CCNY: variants seen among roughly 807,000 people sequenced by gnomAD.
The protein encoded by CCNY is cyclin-Y.
A neutral mutation model predicts 42.8 loss-of-function variants in CCNY; 19 were observed. The observed-to-expected ratio is 0.44, with a 90% CI of 0.31 to 0.65. CCNY has a LOEUF of 0.65. CCNY is among the 30% of genes least tolerant of loss of function. CCNY has a pLI of 0.07. For synonymous variants in CCNY, 165 were observed against 162.7 expected (o/e 1.01, Z -0.11); for missense variants, 370 against 437.3 (o/e 0.85, Z 1.37).
chr10:35,337,179 G>A lies in CCNY; in HGVS notation c.126G>A (p.Gln42=). The A allele has an allele frequency of 6.4e-7, 1 of 1,568,228 alleles. No individual in the cohort carries two copies. The highest frequency in any genetic ancestry group is 2.5e-5 in the East Asian group (1 of 40,684). The change falls in exon 1 of 10, where the codon CAG becomes CAA. Residue 42 remains glutamine, a synonymous_variant. Transcript: ENST00000374704. ...GCGAGGACACGGGCTGCAACCTGCA[G>A]CACATCAGCGACCGGGAGAACATAG... ...LSREDTGCNL[Q]HISDRENIDD... is the part of the protein sequence containing the mutation.
chr10:35,342,390 C>T (rs1329589517), intron 1 of CCNY, among the ~76,000 whole-genome samples: 1 of 152,230 alleles, frequency 6.6e-6, no homozygotes, highest in Non-Finnish European at 1.5e-5. Context: ...TATGTGGAGA[C>T]ACCCCGACCA....
intron 1 of CCNY, among the ~76,000 whole-genome samples, chr10:35,429,511 A>G (rs896185049): frequency 6.6e-6 from 1 of 152,230 alleles, no homozygotes; most frequent in Non-Finnish European, 1.5e-5. Flanking sequence ...GAGTTTGAAA[A>G]TATTTGACAT....
chr10:35,499,905 T>C (rs143908220), intron 2 of CCNY, among the ~76,000 whole-genome samples: 12 of 152,250 alleles, frequency 7.9e-5, no homozygotes, highest in African/African-American at 2.9e-4. Flanking sequence ...TTAGTATGAA[T>C]TAATTTAATT....
At chr10:35,336,439 A>AGGGGCGGTGACGGGGC (rs1554777717), upstream of CCNY, 47 of 151,568 alleles carry the variant, frequency 3.1e-4, no homozygotes, top group African/African-American at 9.7e-4. Context: ...GGCAGAGGGA[A>AGGGGCGGTGACGGGGC]GGGGCGGTGA....
chr10:35,509,685 G>C (rs1564439924), intron 3 of CCNY, among the ~76,000 whole-genome samples: 1 of 152,112 alleles, frequency 6.6e-6, no homozygotes, highest in African/African-American at 2.4e-5. Flanking sequence ...GTGACCCCTG[G>C]TGGTCCTGGA....
Position 35,571,278 on chromosome 10 carries a change from A to G in CCNY, c.*2108A>G, listed in dbSNP as rs1240466477. 3 of 152,276 alleles carry G rather than the reference A, an allele frequency of 2.0e-5. No individual in the cohort carries two copies. Among genetic ancestry groups the G allele is most frequent in the Admixed American group, 2.0e-4 (3 of 15,282 alleles). The allele number at this position is 152,276 out of a possible 1,614,324, so 9.4% of individuals were successfully genotyped here. ...AAAATCGAATTATGTAAATATTTCA[A>G]TGCATCTGCTATTATTTTGTGGAGT... is the stretch of plus-strand genomic sequence containing the variant. On this transcript the variant is annotated 3_prime_UTR_variant, in exon 10 of 10. Transcript: ENST00000374704.
intron 2 of CCNY, among the ~76,000 whole-genome samples, chr10:35,489,171 C>T (rs1259760931): frequency 1.3e-5 from 2 of 151,842 alleles, no homozygotes; most frequent in Admixed American, 6.6e-5. Context: ...TACATTTTAC[C>T]GGATAATTAT....
At chr10:35,384,513 T>C (rs1430142072) in intron 1 of CCNY, among the ~76,000 whole-genome samples, 1 of 152,238 alleles carries the variant, frequency 6.6e-6, no homozygotes, top group Non-Finnish European at 1.5e-5. Flanking sequence ...GGCAGCATCT[T>C]GCATGACTTA....
At chr10:35,468,102 G>GTACCTTGAACT (rs1375045510) in intron 1 of CCNY, among the ~76,000 whole-genome samples, 1 of 152,202 alleles carries the variant, frequency 6.6e-6, no homozygotes, top group Non-Finnish European at 1.5e-5. Context: ...TCAGGAAGCT[G>GTACCTTGAACT]GTAGATTCAA....
intron 7 of CCNY, among the ~76,000 whole-genome samples, chr10:35,533,425 G>C (rs1840812869): frequency 6.6e-6 from 1 of 152,122 alleles, no homozygotes; most frequent in African/African-American, 2.4e-5. Flanking sequence ...TCTCTGCCCA[G>C]CTGCCTCCAC....
chr10:35,528,753 C>G (rs1263780528), intron 5 of CCNY, among the ~76,000 whole-genome samples: 1 of 152,104 alleles, frequency 6.6e-6, no homozygotes, highest in Non-Finnish European at 1.5e-5. Context: ...TGCTGTTGTG[C>G]AAATGTAGGA....
chr10:35,329,799 G>A (rs1368211932), intron 3 of CCNY, among the ~76,000 whole-genome samples: 1 of 152,172 alleles, frequency 6.6e-6, no homozygotes, highest in Non-Finnish European at 1.5e-5. Flanking sequence ...TGGCGAGCAG[G>A]CCAACCTGAC....
At chr10:35,359,843 T>C (rs1836644101) in intron 1 of CCNY, among the ~76,000 whole-genome samples, 1 of 152,254 alleles carries the variant, frequency 6.6e-6, no homozygotes, top group Non-Finnish European at 1.5e-5. Flanking sequence ...GGACCTCATA[T>C]AAGTGGATCC....
At position 35,482,861 on chromosome 10, in the gene CCNY, G is replaced by C. The variant is rs111481714; in HGVS notation, c.155-543G>C. 3.4e-3 allele frequency among the ~76,000 whole-genome samples: 511 copies of C among 151,096 alleles called. 4 individuals carry two copies. The highest frequency in any genetic ancestry group is 0.012 in the African/African-American group (481 of 41,212). Reference sequence around the variant, plus strand: ...TCTTAAATGTTTTTTAAAAAGTAGGGATCAAACAAAACATGTCTGGGGCCC... The same window carrying C: ...TCTTAAATGTTTTTTAAAAAGTAGGCATCAAACAAAACATGTCTGGGGCCC... On this transcript the variant is annotated intron_variant, in intron 1 of 9. Transcript: ENST00000374704.
In CCNY at chr10:35,558,004, ACTC is replaced by A. The variant is rs1841394113; in HGVS notation, c.746+4820_746+4822del. Among the ~76,000 whole-genome samples the A allele has an allele frequency of 5.6e-4, 85 of 152,300 alleles. 2 individuals are homozygous for A. In the South Asian group the frequency reaches 0.017, roughly 31 times the overall value. On this transcript the variant is annotated intron_variant, in intron 8 of 9. Coordinates refer to ENST00000374704, the MANE Select transcript of CCNY (RefSeq NM_145012.6). ...TGAGGAGTTTTATTATAGTAGTGTC[ACTC>A]AAGTCTTAAAACAGTTTTTGAATTA...
chr10:35,532,294 T>C (rs1564448462), intron 7 of CCNY, among the ~76,000 whole-genome samples: 1 of 152,246 alleles, frequency 6.6e-6, no homozygotes, highest in Admixed American at 6.5e-5. Context: ...GGCCTGGAGT[T>C]GACAGAGATG....
intron 3 of CCNY, chr10:35,316,353 C>T (rs931691640): frequency 9.9e-5 from 15 of 152,204 alleles, no homozygotes; most frequent in African/African-American, 3.6e-4. Flanking sequence ...GCCATGTGTT[C>T]ACCACTGCAG....
intron 8 of CCNY, among the ~76,000 whole-genome samples, chr10:35,559,418 CAGA>C (rs1841422517): frequency 6.6e-6 from 1 of 152,174 alleles, no homozygotes; most frequent in South Asian, 2.1e-4. Flanking sequence ...GAGAGAGAAA[CAGA>C]AGGAGGAGGA....
chr10:35,557,281 C>T (rs1841379542), intron 8 of CCNY, among the ~76,000 whole-genome samples: 1 of 152,170 alleles, frequency 6.6e-6, no homozygotes. Flanking sequence ...GCTGCTTTTT[C>T]TCCTTGAACT....
Sources: gnomAD v4.1 joint callset for allele counts (sites outside exome capture counted in the v4.1 genomes callset) on GRCh38, gnomAD v4.1.1 for gene constraint, MANE v1.5 for transcripts, NCBI Gene and HGNC (gene_info 2026-07-23, HGNC 2026-07-21) for gene names.